Variants in ALK observed in about 807,000 individuals in gnomAD.
The protein encoded by ALK is ALK tyrosine kinase receptor.
Under a neutral mutation model 163.1 loss-of-function variants are expected in ALK, and 74 were observed. That is an observed-to-expected ratio of 0.45 (90% CI 0.38 to 0.55). The LOEUF (loss-of-function observed/expected upper bound fraction) is 0.55, where lower values mean the gene tolerates loss of function less well. Among genes scored for constraint, ALK ranks in the 20% least tolerant of loss-of-function variants. ALK has a pLI of 0.00. For synonymous variants in ALK, 960 were observed against 843.2 expected (o/e 1.14, Z -2.40); for missense variants, 2,063 against 2,105.3 (o/e 0.98, Z 0.39).
intron 3 of ALK, among the ~76,000 whole-genome samples, chr2:29,581,358 A>G (rs1295382755): frequency 6.6e-6 from 1 of 152,182 alleles, no homozygotes; most frequent in Non-Finnish European, 1.5e-5. Flanking sequence ...ACTGCACTCC[A>G]GCCTGGGCGA....
intron 1 of ALK, among the ~76,000 whole-genome samples, chr2:29,756,907 T>G (rs1395945053): frequency 6.6e-6 from 1 of 152,166 alleles, no homozygotes. Flanking sequence ...AGACTCTCAC[T>G]CCAGGAAGCT....
rs751862066 is a variant in ALK at position 29,416,979 on chromosome 2, C to CTT, written c.1155-33122_1155-33121dup. Among the ~76,000 whole-genome samples, 99 of 77,672 alleles carry CTT rather than the reference C, an allele frequency of 1.3e-3. 11 individuals carry two copies. The highest frequency in any genetic ancestry group is 4.2e-3 in the African/African-American group (76 of 18,168). 51.0% of individuals were successfully genotyped at this position (77,672 alleles called of 152,430 possible). A position where few individuals can be genotyped will look rare whatever the true frequency, so the allele number is the denominator to read the frequency against. Reference sequence around the variant, plus strand: ...ACTTTTGTTTTATAGATGTTTGATGCTTTTTTTTTTTTTTTTTTTTTTTTT... The same window carrying CTT: ...ACTTTTGTTTTATAGATGTTTGATGCTTTTTTTTTTTTTTTTTTTTTTTTTTT... On this transcript the variant is annotated intron_variant, in intron 4 of 28. Transcript: ENST00000389048.
chr2:29,831,253 GGAAGAGGAAGAA>G (rs1439871853), intron 1 of ALK, among the ~76,000 whole-genome samples: 158 of 13,272 alleles, frequency 0.012, 9 homozygotes, highest in African/African-American at 0.026. Context: ...AAGAGGAAGA[GGAAGAGGAAGAA>G]GAAGAAGAAG....
chr2:29,374,098 T>C (rs549559534), intron 5 of ALK, among the ~76,000 whole-genome samples: 8 of 152,238 alleles, frequency 5.3e-5, no homozygotes, highest in African/African-American at 1.7e-4. Flanking sequence ...CCTGTAAACA[T>C]ACCCCAGGAT....
chr2:29,466,975 T>C (rs1338371595), intron 4 of ALK, among the ~76,000 whole-genome samples: 1 of 152,214 alleles, frequency 6.6e-6, no homozygotes. Context: ...GTGATCAGTA[T>C]TTCTTCTTTT....
At chr2:29,581,215 C>A (rs1482460007) in intron 3 of ALK, among the ~76,000 whole-genome samples, 1 of 152,080 alleles carries the variant, frequency 6.6e-6, no homozygotes, top group Non-Finnish European at 1.5e-5. Flanking sequence ...TGGTGAAACC[C>A]CATCTCTACT....
At position 29,831,098 on chromosome 2, in the gene ALK, G is replaced by GAA. The variant is rs1315883493; in HGVS notation, c.667+88894_667+88895insTT. ...AGGAGGAGGAGGAGGAGGAGGAGGA[G>GAA]GAGGAGGAGGAGAAGAAGAAGAAGA... On this transcript the variant is annotated intron_variant, in intron 1 of 28. Transcript: ENST00000389048. Among the ~76,000 whole-genome samples, 6 of 60,492 alleles carry GAA rather than the reference G, an allele frequency of 9.9e-5. 1 individual carries two copies. The highest frequency in any genetic ancestry group is 4.0e-4 in the African/African-American group (6 of 14,938). 39.7% of individuals were successfully genotyped at this position (60,492 alleles called of 152,430 possible).
chr2:29,375,684 C>A (rs1324789079), intron 5 of ALK, among the ~76,000 whole-genome samples: 2 of 152,142 alleles, frequency 1.3e-5, no homozygotes, highest in African/African-American at 2.4e-5. Context: ...TGAGGGAAAT[C>A]TTTAATGATT....
At chr2:29,677,768 G>C (rs1412308947) in intron 3 of ALK, among the ~76,000 whole-genome samples, 1 of 151,990 alleles carries the variant, frequency 6.6e-6, no homozygotes, top group Non-Finnish European at 1.5e-5. Flanking sequence ...TATTTTCCTA[G>C]ATTTAGGATC....
chr2:29,308,352 T>A (rs939826507), intron 8 of ALK, among the ~76,000 whole-genome samples: 18 of 31,804 alleles, frequency 5.7e-4, no homozygotes, highest in Admixed American at 1.1e-3. Context: ...TTCTTCTTCA[T>A]ACTTTCCTGC....
intron 4 of ALK, among the ~76,000 whole-genome samples, chr2:29,439,029 G>A (rs1217692239): frequency 6.6e-6 from 1 of 152,202 alleles, no homozygotes; most frequent in Non-Finnish European, 1.5e-5. Flanking sequence ...TATTGTTGCT[G>A]AGAGAACTGG....
At chr2:29,422,801 T>C (rs1346246819) in intron 4 of ALK, among the ~76,000 whole-genome samples, 3 of 152,176 alleles carry the variant, frequency 2.0e-5, no homozygotes, top group African/African-American at 7.2e-5. Context: ...GGTTTTACTC[T>C]TCCTACAGAT....
At chr2:29,233,415 G>A in intron 14 of ALK, 150 bp downstream of exon 14, 1 of 1,174,348 alleles carries the variant, frequency 8.5e-7, no homozygotes, top group Non-Finnish European at 1.3e-6. Flanking sequence ...CAAAATACTA[G>A]GATTACAGGA....
chr2:29,336,971 C>T (rs781755261), intron 5 of ALK, among the ~76,000 whole-genome samples: 2 of 152,024 alleles, frequency 1.3e-5, no homozygotes, highest in Non-Finnish European at 2.9e-5. Context: ...CTAGGGGACT[C>T]AGGTCAAACC....
chr2:29,305,003 G>A (rs1037478151), intron 8 of ALK, among the ~76,000 whole-genome samples: 1 of 152,180 alleles, frequency 6.6e-6, no homozygotes, highest in Non-Finnish European at 1.5e-5. Flanking sequence ...GGTAGGTCCT[G>A]GGCATCGGCA....
chr2:29,684,374 G>A (rs559158868), intron 3 of ALK, among the ~76,000 whole-genome samples: 203 of 152,268 alleles, frequency 1.3e-3, no homozygotes, highest in African/African-American at 4.7e-3. Flanking sequence ...GTCAGCCAAC[G>A]CCAACCCAGC....
intron 3 of ALK, among the ~76,000 whole-genome samples, chr2:29,560,791 C>T (rs1166672321): frequency 1.3e-5 from 2 of 152,148 alleles, no homozygotes; most frequent in Middle Eastern, 3.4e-3. Flanking sequence ...AGGCTGGTCT[C>T]GAACTCCTGG....
At chr2:29,544,013 G>A (rs1673483613) in intron 3 of ALK, among the ~76,000 whole-genome samples, 1 of 152,134 alleles carries the variant, frequency 6.6e-6, no homozygotes, top group Non-Finnish European at 1.5e-5. Flanking sequence ...CAATCAAACA[G>A]GATCCAGGCA....
At chr2:29,233,228 G>A (rs113824128) in intron 14 of ALK, among the ~76,000 whole-genome samples, 1 of 152,100 alleles carries the variant, frequency 6.6e-6, no homozygotes, top group Non-Finnish European at 1.5e-5. Context: ...TTGTAGCCTT[G>A]AACTCCTGGG....
Sources: gnomAD v4.1 joint callset for allele counts (sites outside exome capture counted in the v4.1 genomes callset) on GRCh38, gnomAD v4.1.1 for gene constraint, MANE v1.5 for transcripts, NCBI Gene and HGNC (gene_info 2026-07-23, HGNC 2026-07-21) for gene names.